PCDHGA4: variants seen among roughly 807,000 people sequenced by gnomAD.
PCDHGA4 encodes the protein protocadherin gamma-A4.
In PCDHGA4, 38 loss-of-function variants were observed where a neutral mutation model predicts 54.6. The ratio of observed to expected loss-of-function variants is 0.70; its 90% CI spans 0.54 to 0.91. The LOEUF (loss-of-function observed/expected upper bound fraction) is 0.91, where lower values mean the gene tolerates loss of function less well. PCDHGA4 is among the 40% of genes least tolerant of loss of function. The pLI is 0.00. For synonymous variants in PCDHGA4, 511 were observed against 512.9 expected (o/e 1.00, Z 0.05); for missense variants, 1,298 against 1,220.9 (o/e 1.06, Z -0.94).
intron 1 of PCDHGA4, chr5:141,393,503 G>T: frequency 6.2e-7 from 1 of 1,614,028 alleles, no homozygotes; most frequent in Non-Finnish European, 8.5e-7. Context: ...GCATCCACGT[G>T]ACAGTGTTGG....
intron 1 of PCDHGA4, chr5:141,365,136 C>T: frequency 6.2e-7 from 1 of 1,613,950 alleles, no homozygotes; most frequent in Non-Finnish European, 8.5e-7. Flanking sequence ...GCCACGGATC[C>T]AGATGAGGGA....
chr5:141,371,500 T>C, intron 1 of PCDHGA4: 5 of 1,613,872 alleles, frequency 3.1e-6, no homozygotes, highest in South Asian at 1.1e-5. Context: ...GTTGCCCTGA[T>C]CAAAACACAT....
chr5:141,404,680 G>C, intron 1 of PCDHGA4: 1 of 1,614,160 alleles, frequency 6.2e-7, no homozygotes, highest in East Asian at 2.2e-5. Context: ...CTGGTGTGGA[G>C]CTGGCACCCC....
intron 1 of PCDHGA4, chr5:141,395,466 TC>T (rs951026760): frequency 3.5e-6 from 2 of 577,354 alleles, no homozygotes; most frequent in Non-Finnish European, 5.8e-6. Context: ...TTTTAAGCCT[TC>T]CAGTATTTTA....
chr5:141,493,679 G>C lies in PCDHGA4; in HGVS notation c.2515-1128G>C. On this transcript the variant is annotated intron_variant, in intron 1 of 3. Transcript: ENST00000571252. This position sits in a 1 kb window ranked among gnomAD's most constrained non-coding sequence, Gnocchi z 4.3. ...CCTTCTCCATGGCAGCCCCAGAATG[G>C]TGCTGGTGACTCCCGATACACCTGG... Among the ~76,000 whole-genome samples the C allele has an allele frequency of 6.6e-6, 1 of 152,198 alleles. No individual in the cohort carries two copies. Among genetic ancestry groups the C allele is most frequent in the African/African-American group, 2.4e-5 (1 of 41,446 alleles).
intron 1 of PCDHGA4, among the ~76,000 whole-genome samples, chr5:141,430,360 T>C (rs570966246): frequency 1.8e-4 from 27 of 151,522 alleles, no homozygotes; most frequent in Middle Eastern, 3.4e-3. Flanking sequence ...TAAAAGCTCA[T>C]TGGGGAAAAA....
At chr5:141,366,451 C>A (rs372498112) in intron 1 of PCDHGA4, 8 of 1,614,110 alleles carry the variant, frequency 5.0e-6, no homozygotes, top group Non-Finnish European at 6.8e-6. Context: ...TCCTGGCCTT[C>A]GTCATCGTGC....
chr5:141,400,636 G>T (rs1478195116), intron 1 of PCDHGA4: 4 of 1,325,644 alleles, frequency 3.0e-6, no homozygotes, highest in Non-Finnish European at 4.2e-6. Context: ...AGTCAGAGCT[G>T]CTCAGAAAGC....
At chr5:141,366,662 A>T (rs1400618263) in intron 1 of PCDHGA4, 9 of 1,614,264 alleles carry the variant, frequency 5.6e-6, no homozygotes, top group Non-Finnish European at 7.6e-6. Context: ...CTACGCAGAC[A>T]CGCTCCTTAG....
At chr5:141,391,240 T>C (rs1388357484) in intron 1 of PCDHGA4, 1 of 152,150 alleles carries the variant, frequency 6.6e-6, no homozygotes, top group Non-Finnish European at 1.5e-5. Flanking sequence ...GCTAGGTATA[T>C]CTAAGCAACT....
At chr5:141,478,050 C>G (rs2099429383) in intron 1 of PCDHGA4, 2 of 1,614,184 alleles carry the variant, frequency 1.2e-6, no homozygotes, top group South Asian at 2.2e-5. Context: ...CAGACTCTCA[C>G]GGTCTTGATC....
At chr5:141,478,497 C>T in intron 1 of PCDHGA4, 1 of 1,612,820 alleles carries the variant, frequency 6.2e-7, no homozygotes, top group Non-Finnish European at 8.5e-7. Context: ...AGCTGTGATC[C>T]GGTGTTCTAT....
chr5:141,374,510 C>A, intron 1 of PCDHGA4: 1 of 1,611,824 alleles, frequency 6.2e-7, no homozygotes, highest in Non-Finnish European at 8.5e-7. Flanking sequence ...AGTGAAAATT[C>A]TCGAAAACGC....
At chr5:141,400,102 G>C (rs376189143) in intron 1 of PCDHGA4, 35 of 1,614,084 alleles carry the variant, frequency 2.2e-5, no homozygotes, top group Non-Finnish European at 3.0e-5. Context: ...GCTGCACTTG[G>C]TCTTTGCTGA....
Position 141,477,020 on chromosome 5 carries a change from G to C in PCDHGA4, c.2515-17787G>C, listed in dbSNP as rs1383192345. The C allele has an allele frequency of 6.2e-7, 1 of 1,614,224 alleles. No homozygotes were observed. The highest frequency in any genetic ancestry group is 8.5e-7 in the Non-Finnish European group (1 of 1,180,048). On this transcript the variant is annotated intron_variant, in intron 1 of 3. Coordinates refer to ENST00000571252, the MANE Select transcript of PCDHGA4 (RefSeq NM_018917.4). The surrounding 1 kb of genome is among the most constrained non-coding windows in gnomAD (Gnocchi z 4.9). ...ACTATTCGCCTTAGACCTTGTAACC[G>C]GGATGCTGACAATCAAGGGTCGGCT...
chr5:141,401,761 A>T (rs2094191513), intron 1 of PCDHGA4, among the ~76,000 whole-genome samples: 1 of 152,210 alleles, frequency 6.6e-6, no homozygotes, highest in African/African-American at 2.4e-5. Flanking sequence ...ATTACATGGT[A>T]TAAGTCTTTT....
Position 141,477,413 on chromosome 5 carries a change from G to A in PCDHGA4, c.2515-17394G>A. ...CCTCAGCATCACCGCCCGAGACGCC[G>A]GAACCCCTTCCCTCTCAGCCCTTAC... On this transcript the variant is annotated intron_variant, in intron 1 of 3. Transcript: ENST00000571252. This position sits in a 1 kb window ranked among gnomAD's most constrained non-coding sequence, Gnocchi z 4.9. 1 of 1,614,080 alleles carries A rather than the reference G, an allele frequency of 6.2e-7. No individual in the cohort carries two copies. Among genetic ancestry groups the A allele is most frequent in the Non-Finnish European group, 8.5e-7 (1 of 1,180,026 alleles).
At chr5:141,379,474 T>C (rs1775619669) in intron 1 of PCDHGA4, 1 of 152,258 alleles carries the variant, frequency 6.6e-6, no homozygotes, top group Non-Finnish European at 1.5e-5. Context: ...AGTGTGAATG[T>C]TATTTTACTA....
chr5:141,429,379 T>G (rs573911129), intron 1 of PCDHGA4, among the ~76,000 whole-genome samples: 5 of 151,382 alleles, frequency 3.3e-5, no homozygotes, highest in East Asian at 1.9e-4. Context: ...GAAAATGTGT[T>G]TTTTTTTTAA....
Sources: allele counts gnomAD v4.1 joint callset (sites outside exome capture counted in the v4.1 genomes callset), GRCh38; gene constraint gnomAD v4.1.1; non-coding constraint Gnocchi (gnomAD v3.1); transcripts MANE v1.5; gene names NCBI Gene and HGNC (gene_info 2026-07-23, HGNC 2026-07-21).